LRRC4C: variants seen among roughly 807,000 people sequenced by gnomAD.
LRRC4C encodes leucine-rich repeat-containing protein 4C.
LRRC4C carries 5 observed loss-of-function variants against 33.6 expected under a neutral mutation model. The ratio of observed to expected loss-of-function variants is 0.15; its 90% CI spans 0.08 to 0.31. The LOEUF (loss-of-function observed/expected upper bound fraction) is 0.31. LRRC4C is among the 10% of genes least tolerant of loss of function. LRRC4C has a pLI of 1.00. For synonymous variants in LRRC4C, 329 were observed against 302.0 expected (o/e 1.09, Z -0.93); for missense variants, 560 against 796.7 (o/e 0.70, Z 3.58).
chr11:40,774,035 A>T (rs1238714149), intron 2 of LRRC4C, among the ~76,000 whole-genome samples: 3 of 152,142 alleles, frequency 2.0e-5, no homozygotes, highest in African/African-American at 7.2e-5. Flanking sequence ...ATCCCTGGCA[A>T]CTATTAATCT....
At chr11:40,882,202 C>T (rs1955213735) in intron 2 of LRRC4C, among the ~76,000 whole-genome samples, 1 of 152,050 alleles carries the variant, frequency 6.6e-6, no homozygotes, top group Admixed American at 6.6e-5. Context: ...CTCTACACAA[C>T]CCCACAAGTG....
chr11:41,173,173 C>T (rs1022185838), intron 1 of LRRC4C, among the ~76,000 whole-genome samples: 8 of 152,054 alleles, frequency 5.3e-5, no homozygotes, highest in African/African-American at 1.9e-4. Flanking sequence ...AAACCAATTC[C>T]TTATATGAGA....
At chr11:40,712,367 C>G (rs1457247604) in intron 2 of LRRC4C, among the ~76,000 whole-genome samples, 2 of 152,038 alleles carry the variant, frequency 1.3e-5, no homozygotes, top group Non-Finnish European at 2.9e-5. Flanking sequence ...CTAACACATC[C>G]CATAGCTAAC....
In LRRC4C at chr11:40,981,532, C is replaced by T. The variant is rs1315807480; in HGVS notation, c.-495-47809G>A. Among the ~76,000 whole-genome samples the T allele has an allele frequency of 2.0e-5, 3 of 152,306 alleles. No individual in the cohort carries two copies. In the East Asian group the frequency reaches 5.8e-4, roughly 29 times the overall value. The stretch of plus-strand genomic sequence containing the variant: ...GCCTCACTACCACTGTAAGTGGCTT[C>T]TCAACTCTCTGACTCAAACTGGGAA... On this transcript the variant is annotated intron_variant, in intron 1 of 6. Transcript: ENST00000528697.
chr11:40,472,284 T>C (rs139440701), intron 3 of LRRC4C, among the ~76,000 whole-genome samples: 16,967 of 150,680 alleles, frequency 0.11, 1,048 homozygotes, highest in East Asian at 0.15. Flanking sequence ...TGTCTCAAAA[T>C]AAATAAATAA....
chr11:41,204,030 T>C (rs895695126), intron 1 of LRRC4C, among the ~76,000 whole-genome samples: 1 of 152,176 alleles, frequency 6.6e-6, no homozygotes, highest in Non-Finnish European at 1.5e-5. Flanking sequence ...CATTTTTTTT[T>C]CTCCAGATTA....
intron 1 of LRRC4C, among the ~76,000 whole-genome samples, chr11:41,183,705 G>A (rs1945558028): frequency 3.3e-5 from 5 of 152,176 alleles, no homozygotes; most frequent in Admixed American, 3.3e-4. Flanking sequence ...GAGGACAGTG[G>A]CCCTCTTCTC....
At chr11:40,429,574 A>AAAAAC (rs1555056094) in intron 3 of LRRC4C, among the ~76,000 whole-genome samples, 1 of 151,952 alleles carries the variant, frequency 6.6e-6, no homozygotes, top group Admixed American at 6.6e-5. Context: ...ATAATAAAAA[A>AAAAAC]AAAACAAAAC....
chr11:41,360,514 G>A (rs1169098774), intron 1 of LRRC4C, among the ~76,000 whole-genome samples: 1 of 152,102 alleles, frequency 6.6e-6, no homozygotes, highest in African/African-American at 2.4e-5. Context: ...AGCTACAATG[G>A]AATAGCATGG....
At chr11:41,418,430 G>T (rs1362063019) in intron 1 of LRRC4C, among the ~76,000 whole-genome samples, 3 of 151,944 alleles carry the variant, frequency 2.0e-5, no homozygotes, top group Non-Finnish European at 4.4e-5. Flanking sequence ...TTTCCTCGAG[G>T]AATTAACGGA....
intron 4 of LRRC4C, among the ~76,000 whole-genome samples, chr11:40,295,734 C>A (rs1377351350): frequency 6.6e-6 from 1 of 152,096 alleles, no homozygotes; most frequent in African/African-American, 2.4e-5. Context: ...ATTTCCCCAT[C>A]TTTTTGGAGA....
At chr11:41,111,820 C>A (rs1181645201) in intron 1 of LRRC4C, among the ~76,000 whole-genome samples, 1 of 152,002 alleles carries the variant, frequency 6.6e-6, no homozygotes, top group Admixed American at 6.6e-5. Flanking sequence ...CATCAATATC[C>A]TCATGGAGAT....
At chr11:40,151,491 C>T (rs530771865) in intron 5 of LRRC4C, among the ~76,000 whole-genome samples, 3 of 152,256 alleles carry the variant, frequency 2.0e-5, no homozygotes, top group Admixed American at 6.5e-5. Context: ...TATCAATTCT[C>T]ATAGTTATAT....
chr11:41,243,368 C>A (rs1256696303), intron 1 of LRRC4C, among the ~76,000 whole-genome samples: 1 of 152,096 alleles, frequency 6.6e-6, no homozygotes, highest in East Asian at 1.9e-4. Context: ...TTTCACTTTC[C>A]TTTTTCAGTT....
At chr11:40,569,360 C>T (rs971831587) in intron 3 of LRRC4C, among the ~76,000 whole-genome samples, 3 of 152,076 alleles carry the variant, frequency 2.0e-5, no homozygotes, top group African/African-American at 7.2e-5. Context: ...ATTTAGTATC[C>T]TATCTAGATA....
chr11:41,440,890 T>C (rs898629525), intron 1 of LRRC4C, among the ~76,000 whole-genome samples: 1 of 152,202 alleles, frequency 6.6e-6, no homozygotes, highest in African/African-American at 2.4e-5. Context: ...TGCAGCTATG[T>C]GGAACTGTGA....
rs147676362 is a variant in LRRC4C, at chr11:40,115,231, C to T, written c.1062G>A (p.Pro354=). 137 of 1,614,126 alleles carry T rather than the reference C, an allele frequency of 8.5e-5. 1 individual carries two copies. The African/African-American group carries it at 9.7e-4, about 11-fold the overall frequency. The change falls in exon 7 of 7, where the codon CCG becomes CCA. Residue 354 remains proline (P), a synonymous_variant. Transcript: ENST00000528697. The surrounding 1 kb of genome is among the most constrained non-coding windows in gnomAD (Gnocchi z 6.7). ...GGTCTGCAGGGGGCTCCACAATCACCGGAGCATAGCATGTGAAGTAATTCT... is the reference window on the plus strand; with the variant it reads ...GGTCTGCAGGGGGCTCCACAATCACTGGAGCATAGCATGTGAAGTAATTCT... The part of the protein sequence containing the change: ...LDQNYFTCYA[P]VIVEPPADLN...
intron 1 of LRRC4C, among the ~76,000 whole-genome samples, chr11:41,304,669 G>T (rs1464739649): frequency 5.4e-5 from 6 of 110,312 alleles, no homozygotes; most frequent in African/African-American, 1.7e-4. Flanking sequence ...CGGGAGGGAG[G>T]TTGGGGGGTC....
chr11:41,415,690 G>A (rs534506818), intron 1 of LRRC4C, among the ~76,000 whole-genome samples: 1 of 152,192 alleles, frequency 6.6e-6, no homozygotes, highest in African/African-American at 2.4e-5. Context: ...ATTTTTATGA[G>A]ATGTTGTAAA....
Sources: allele counts gnomAD v4.1 joint callset (sites outside exome capture counted in the v4.1 genomes callset), GRCh38; gene constraint gnomAD v4.1.1; non-coding constraint Gnocchi (gnomAD v3.1); transcripts MANE v1.5; gene names NCBI Gene and HGNC (gene_info 2026-07-23, HGNC 2026-07-21).